Variants in NRXN3 observed in about 807,000 individuals in gnomAD.
The protein encoded by NRXN3 is neurexin III.
NRXN3 carries 32 observed loss-of-function variants against 137.6 expected under a neutral mutation model. The observed-to-expected ratio is 0.23, with a 90% confidence interval of 0.18 to 0.31. The LOEUF is 0.31. NRXN3 is among the 10% of genes least tolerant of loss of function. The pLI, the probability that NRXN3 is intolerant of heterozygous loss-of-function variation, is 1.00. For synonymous variants in NRXN3, 798 were observed against 784.5 expected, an observed-to-expected ratio of 1.02 and a Z score of -0.29; for missense variants, 1,574 against 2,062.5, an observed-to-expected ratio of 0.76 and a Z score of 4.59.
chr14:78,223,964 G>C (rs190810939), intron 1 of NRXN3, among the ~76,000 whole-genome samples: 6 of 152,180 alleles, frequency 3.9e-5, no homozygotes, highest in African/African-American at 1.4e-4. Context: ...AACTAGGCAC[G>C]GGGATCAAGC....
chr14:78,726,258 G>A (rs191412671), intron 8 of NRXN3, among the ~76,000 whole-genome samples: 1 of 151,944 alleles, frequency 6.6e-6, no homozygotes, highest in Admixed American at 6.6e-5. Context: ...TTTTACATAG[G>A]TATACATGTG....
At position 78,794,634 on chromosome 14, in the gene NRXN3, G is replaced by A. The variant is rs528707784; in HGVS notation, c.2045-8986G>A. The stretch of plus-strand genomic sequence containing the variant: ...TGTGTGTGTGTGTGTGTGTGTGTGT[G>A]TATATAATATATATATGCTTAGAAA... On this transcript the variant is annotated intron_variant, in intron 8 of 20. Coordinates refer to ENST00000335750, the MANE Select transcript of NRXN3 (RefSeq NM_001330195.2). Among the ~76,000 whole-genome samples the A allele has an allele frequency of 5.9e-4, 88 of 149,702 alleles. 1 individual carries two copies. The East Asian group carries it at 0.013, about 22-fold the overall frequency.
At chr14:79,661,500 C>G (rs540181406) in intron 16 of NRXN3, among the ~76,000 whole-genome samples, 1 of 152,024 alleles carries the variant, frequency 6.6e-6, no homozygotes, top group African/African-American at 2.4e-5. Context: ...TTGAGGAAAG[C>G]CTTCATTTTG....
intron 19 of NRXN3, among the ~76,000 whole-genome samples, chr14:79,698,890 G>A (rs963983601): frequency 2.6e-5 from 4 of 151,982 alleles, no homozygotes; most frequent in African/African-American, 9.7e-5. Flanking sequence ...TCCAATGGAC[G>A]TGGTTAACTT....
At chr14:78,808,155 G>A (rs756832595) in intron 9 of NRXN3, among the ~76,000 whole-genome samples, 45 of 152,030 alleles carry the variant, frequency 3.0e-4, no homozygotes, top group Non-Finnish European at 5.0e-4. Context: ...TGTTCTTCAG[G>A]TAAAATAACA....
intron 19 of NRXN3, among the ~76,000 whole-genome samples, chr14:79,754,564 G>A (rs1160686435): frequency 3.8e-4 from 11 of 28,750 alleles, no homozygotes; most frequent in Admixed American, 1.1e-3. Context: ...ATATATATAT[G>A]CACACATACA....
intron 4 of NRXN3, among the ~76,000 whole-genome samples, chr14:78,638,968 T>A (rs934966570): frequency 3.9e-5 from 6 of 152,228 alleles, no homozygotes; most frequent in Middle Eastern, 3.2e-3. Context: ...TACTGAGGCT[T>A]CTTTGCCTGG....
intron 4 of NRXN3, among the ~76,000 whole-genome samples, chr14:78,389,283 T>C (rs981454928): frequency 6.6e-6 from 1 of 152,154 alleles, no homozygotes; most frequent in African/African-American, 2.4e-5. Context: ...CTTGAACTCC[T>C]CACCTCAGGT....
At chr14:79,022,031 T>C (rs1005137893) in intron 15 of NRXN3, among the ~76,000 whole-genome samples, 2 of 152,214 alleles carry the variant, frequency 1.3e-5, no homozygotes, top group Admixed American at 1.3e-4. Flanking sequence ...GTTCAAGACA[T>C]TGAACTGCAA....
At chr14:78,733,195 G>C (rs1332801127) in intron 8 of NRXN3, among the ~76,000 whole-genome samples, 2 of 152,054 alleles carry the variant, frequency 1.3e-5, no homozygotes, top group African/African-American at 4.8e-5. Context: ...TGGAAAGCTT[G>C]GACCATGCCT....
At chr14:78,712,249 A>G (rs527631948) in intron 7 of NRXN3, among the ~76,000 whole-genome samples, 1 of 152,332 alleles carries the variant, frequency 6.6e-6, no homozygotes, top group South Asian at 2.1e-4. Flanking sequence ...TGCAACAGAG[A>G]AAATAGTAAG....
intron 1 of NRXN3, among the ~76,000 whole-genome samples, chr14:78,206,706 G>C (rs547511903): frequency 6.6e-6 from 1 of 152,290 alleles, no homozygotes; most frequent in African/African-American, 2.4e-5. Flanking sequence ...GACCCATCTT[G>C]AGGTCACTTC....
chr14:79,655,974 G>T (rs1192308907), intron 16 of NRXN3, among the ~76,000 whole-genome samples: 2 of 152,196 alleles, frequency 1.3e-5, no homozygotes, highest in Admixed American at 6.5e-5. Context: ...TCTTGCACTA[G>T]CACTAGACCC....
Position 79,265,613 on chromosome 14 carries a change from C to A in NRXN3, c.3263-201608C>A, listed in dbSNP as rs149894942. On this transcript the variant is annotated intron_variant, in intron 15 of 20. Coordinates refer to ENST00000335750, the MANE Select transcript of NRXN3 (RefSeq NM_001330195.2). Reference sequence around the variant, plus strand: ...CTCACCAAGAATGTATGGCACCACCCAATAGCATACTGTCCTTTCATCCTT... The same window carrying A: ...CTCACCAAGAATGTATGGCACCACCAAATAGCATACTGTCCTTTCATCCTT... Among the ~76,000 whole-genome samples the A allele has an allele frequency of 4.8e-3, 738 of 152,234 alleles. 8 individuals are homozygous for A. Among genetic ancestry groups the A allele is most frequent in the African/African-American group, 0.017 (698 of 41,524 alleles).
chr14:78,511,110 C>T (rs974085356), intron 4 of NRXN3, among the ~76,000 whole-genome samples: 3 of 152,082 alleles, frequency 2.0e-5, no homozygotes, highest in Non-Finnish European at 4.4e-5. Context: ...ATGTTTATGG[C>T]CTTGCTTGCC....
At chr14:78,695,372 T>C (rs1176600865) in intron 6 of NRXN3, 4 of 152,076 alleles carry the variant, frequency 2.6e-5, no homozygotes. Context: ...CAGAGATACC[T>C]TTCTCTTTTT....
At chr14:78,448,969 C>T (rs189346029) in intron 4 of NRXN3, among the ~76,000 whole-genome samples, 5 of 152,346 alleles carry the variant, frequency 3.3e-5, no homozygotes, top group Admixed American at 3.3e-4. Context: ...CAACTCAAAT[C>T]ATGCTCTCTG....
At chr14:78,667,288 G>A (rs572784280) in intron 6 of NRXN3, among the ~76,000 whole-genome samples, 28 of 152,240 alleles carry the variant, frequency 1.8e-4, no homozygotes, top group African/African-American at 6.5e-4. Flanking sequence ...TATAAAACTG[G>A]TATCTTAATA....
chr14:79,066,786 G>A (rs905462913), intron 15 of NRXN3, among the ~76,000 whole-genome samples: 12 of 152,026 alleles, frequency 7.9e-5, no homozygotes, highest in Non-Finnish European at 1.2e-4. Flanking sequence ...TGGTGTATAG[G>A]AATGCTAGCA....
Sources: gnomAD v4.1 joint callset for allele counts (sites outside exome capture counted in the v4.1 genomes callset) on GRCh38, gnomAD v4.1.1 for gene constraint, MANE v1.5 for transcripts, NCBI Gene and HGNC (gene_info 2026-07-23, HGNC 2026-07-21) for gene names.